TNNT1: variants seen among roughly 807,000 people sequenced by gnomAD.
TNNT1 encodes troponin T1, slow skeletal type.
A neutral mutation model predicts 50.6 loss-of-function variants in TNNT1; 53 were observed. That is an observed-to-expected ratio of 1.05 (90% CI 0.84 to 1.32). The LOEUF is 1.32. Among genes scored for constraint, TNNT1 ranks in the 40% most tolerant of loss-of-function variants. The pLI is 0.00. For missense variants in TNNT1, 348 were observed against 381.7 expected, an observed-to-expected ratio of 0.91 and a Z score of 0.74; for synonymous variants, 142 against 138.0, an observed-to-expected ratio of 1.03 and a Z score of -0.20.
chr19:55,146,475 G>GTT lies in TNNT1; in HGVS notation c.74-10_74-9insAA. 3 of 1,371,880 alleles carry GTT rather than the reference G, an allele frequency of 2.2e-6. No homozygotes were observed. The highest frequency in any genetic ancestry group is 1.9e-6 in the Non-Finnish European group (2 of 1,054,570). The allele number at this position is 1,371,880 out of a possible 1,614,324, so 85.0% of individuals were successfully genotyped here. ...CTCCGGCTCTTCGGGGGCTGGGGAG[G>GTT]GGAGGGAGGAGCAGCGAGGGTTTGG... On this transcript the variant is annotated splice_polypyrimidine_tract_variant and intron_variant, in intron 4 of 13. Transcript: ENST00000588981.
intron 1 of TNNT1, among the ~76,000 whole-genome samples, chr19:55,147,658 G>A (rs1438215608): frequency 8.1e-6 from 1 of 123,846 alleles, no homozygotes; most frequent in Admixed American, 7.7e-5. Context: ...TGGACACCTG[G>A]GTCTGAGGGA....
intron 6 of TNNT1, among the ~76,000 whole-genome samples, chr19:55,143,323 G>A (rs1383414625): frequency 2.0e-5 from 3 of 152,190 alleles, no homozygotes; most frequent in South Asian, 2.1e-4. Context: ...TGTAAGTGAC[G>A]TGTGTGGCTT....
At chr19:55,146,619 CGGG>C in intron 4 of TNNT1, 59 bp downstream of exon 4, 1 of 1,243,538 alleles carries the variant, frequency 8.0e-7, no homozygotes, top group Non-Finnish European at 1.1e-6. Flanking sequence ...CCCCTCCTCC[CGGG>C]CCCAGCGTCC....
intron 11 of TNNT1, 152 bp from the exon 12 acceptor site, chr19:55,134,356 T>A: frequency 1.3e-6 from 1 of 799,678 alleles, no homozygotes. Context: ...TTTCTCCACA[T>A]CCGAGCTGGA....
At chr19:55,143,852 A>G (rs2085500620) in intron 6 of TNNT1, among the ~76,000 whole-genome samples, 1 of 152,136 alleles carries the variant, frequency 6.6e-6, no homozygotes, top group East Asian at 1.9e-4. Flanking sequence ...GCTAACAGGT[A>G]TCTCCTGAAC....
intron 9 of TNNT1, among the ~76,000 whole-genome samples, chr19:55,138,969 T>C (rs2085404041): frequency 6.6e-6 from 1 of 152,206 alleles, no homozygotes; most frequent in Non-Finnish European, 1.5e-5. Context: ...AGGCTTTTTG[T>C]ACACCCAGCA....
rs544062952 is a variant in TNNT1 at position 55,146,644 on chromosome 19, C to A, written c.73+37G>T. On this transcript the variant is annotated intron_variant, in intron 4 of 13. Transcript: ENST00000588981. ...CGGGCCCAGCGTCCCCGCCCCCCCACCCCCCAGCTCCAGACCTGCGGAGTC... is the reference window on the plus strand; with the variant it reads ...CGGGCCCAGCGTCCCCGCCCCCCCAACCCCCAGCTCCAGACCTGCGGAGTC... The A allele has an allele frequency of 1.8e-4, 252 of 1,389,250 alleles. No individual in the cohort carries two copies. The African/African-American group carries it at 3.0e-3, about 17-fold the overall frequency. 86.1% of individuals were successfully genotyped at this position (1,389,250 alleles called of 1,614,324 possible).
At chr19:55,135,522 A>G in intron 11 of TNNT1, 1 of 217,476 alleles carries the variant, frequency 4.6e-6, no homozygotes, top group Non-Finnish European at 8.6e-6. Flanking sequence ...CTCTCACCTC[A>G]GCCTTTTTTT....
chr19:55,140,579 C>T (rs1370434571), intron 9 of TNNT1: 1 of 167,484 alleles, frequency 6.0e-6, no homozygotes, highest in Non-Finnish European at 1.3e-5. Context: ...AAGATCAAGA[C>T]CATCCTGGCC....
rs1041324336 is a variant in TNNT1, at chr19:55,141,839, G to T, written c.192+18C>A. ...AAGACTAGCAACTGCGCCTGCGGAG[G>T]GGTCTCTTGTCACTTACATCGAAGT... On this transcript the variant is annotated intron_variant, in intron 7 of 13. Coordinates refer to ENST00000588981, the MANE Select transcript of TNNT1 (RefSeq NM_003283.6). The T allele has an allele frequency of 6.2e-7, 1 of 1,613,726 alleles. No homozygotes were observed. The highest frequency in any genetic ancestry group is 8.5e-7 in the Non-Finnish European group (1 of 1,179,760).
chr19:55,142,623 C>G (rs1037199789), intron 6 of TNNT1, among the ~76,000 whole-genome samples: 3 of 151,218 alleles, frequency 2.0e-5, no homozygotes, highest in African/African-American at 4.9e-5. Context: ...CTGCTCACCA[C>G]AACAACCTCC....
rs1418251129 is a variant in TNNT1, at chr19:55,134,054, G to A, written c.750+12C>T. 1.2e-6 allele frequency: 2 copies of A among 1,612,924 alleles called. No individual in the cohort carries two copies. The highest frequency in any genetic ancestry group is 1.7e-6 in the Non-Finnish European group (2 of 1,179,840). Reference sequence around the variant, plus strand: ...CCCTCTCTCCCTCCCTCCCTGCGGAGCTGGGTCTCACCTCATATTTCTGCT... The same window carrying A: ...CCCTCTCTCCCTCCCTCCCTGCGGAACTGGGTCTCACCTCATATTTCTGCT... On this transcript the variant is annotated intron_variant, in intron 12 of 13. Transcript: ENST00000588981.
intron 9 of TNNT1, among the ~76,000 whole-genome samples, chr19:55,140,083 A>C (rs548920556): frequency 6.6e-6 from 1 of 151,892 alleles, no homozygotes; most frequent in East Asian, 1.9e-4. Context: ...AGATCGCGTC[A>C]CTGCACTCCA....
rs563678746 is a variant in TNNT1, at chr19:55,133,681, A to T, written c.791+206T>A. ...TGACAGAGCGAGACGCAGTCTCAAT[A>T]AAAAAAAAAAAAAAGAAAGAAAAAG... On this transcript the variant is annotated intron_variant, in intron 13 of 13. Transcript: ENST00000588981. The T allele has an allele frequency of 4.7e-3, 860 of 182,184 alleles. 5 individuals carry two copies. The highest frequency in any genetic ancestry group is 0.02 in the African/African-American group (796 of 39,810). The allele number at this position is 182,184 out of a possible 1,614,324, so 11.3% of individuals were successfully genotyped here. A position where few individuals can be genotyped will look rare whatever the true frequency, so the allele number is the denominator to read the frequency against.
intron 1 of TNNT1, chr19:55,148,028 G>T (rs538112586): frequency 6.5e-6 from 1 of 152,772 alleles, no homozygotes; most frequent in African/African-American, 2.4e-5. Flanking sequence ...GCACAGCCAG[G>T]AGGCTGCAGA....
chr19:55,136,207 G>T (rs1393364596), intron 11 of TNNT1, among the ~76,000 whole-genome samples: 1 of 152,062 alleles, frequency 6.6e-6, no homozygotes, highest in African/African-American at 2.4e-5. Context: ...GATAATAATA[G>T]TATCTACCTC....
chr19:55,145,509 G>T (rs1380668477), intron 6 of TNNT1, 35 bp downstream of exon 6: 1 of 1,610,762 alleles, frequency 6.2e-7, no homozygotes, highest in South Asian at 1.1e-5. Flanking sequence ...TTAGGAAGAT[G>T]TATGACTGGG....
intron 9 of TNNT1, among the ~76,000 whole-genome samples, chr19:55,139,432 CA>C (rs2085411671): frequency 6.6e-6 from 1 of 152,184 alleles, no homozygotes; most frequent in African/African-American, 2.4e-5. Context: ...TGAACAGAAC[CA>C]ATTTATTCTG....
chr19:55,146,630 T>TGC, intron 4 of TNNT1, 51 bp downstream of exon 4: 2 of 1,025,180 alleles, frequency 2.0e-6, no homozygotes, highest in Non-Finnish European at 1.4e-6. Context: ...GGGCCCAGCG[T>TGC]CCCCGCCCCC....
Sources: gnomAD v4.1 joint callset for allele counts (sites outside exome capture counted in the v4.1 genomes callset) on GRCh38, gnomAD v4.1.1 for gene constraint, MANE v1.5 for transcripts, NCBI Gene and HGNC (gene_info 2026-07-23, HGNC 2026-07-21) for gene names.